CNBD1: variants seen among roughly 807,000 people sequenced by gnomAD.
CNBD1 encodes cyclic nucleotide binding domain containing 1.
Under a neutral mutation model 54.4 loss-of-function variants are expected in CNBD1, and 71 were observed. That is an observed-to-expected ratio of 1.30 (90% CI 1.08 to 1.59). The LOEUF is 1.59. CNBD1 is among the 40% of genes most tolerant of loss of function. The pLI is 0.00. For missense variants in CNBD1, 659 were observed against 518.0 expected, an observed-to-expected ratio of 1.27 and a Z score of -2.64; for synonymous variants, 182 against 170.7, an observed-to-expected ratio of 1.07 and a Z score of -0.51.
At chr8:87,102,771 G>A (rs1324677512) in intron 4 of CNBD1, among the ~76,000 whole-genome samples, 2 of 151,968 alleles carry the variant, frequency 1.3e-5, no homozygotes, top group African/African-American at 2.4e-5. Context: ...CTGCCAAAAC[G>A]CCCGGCTAAT....
intron 4 of CNBD1, among the ~76,000 whole-genome samples, chr8:86,968,837 G>A (rs1056119383): frequency 2.6e-5 from 4 of 152,118 alleles, no homozygotes; most frequent in Admixed American, 6.6e-5. Flanking sequence ...AATCAGATAC[G>A]CATTTATCTC....
intron 10 of CNBD1, among the ~76,000 whole-genome samples, chr8:87,366,870 A>T (rs1025540326): frequency 1.3e-5 from 2 of 152,172 alleles, no homozygotes; most frequent in Non-Finnish European, 2.9e-5. Context: ...ACTGTTATAA[A>T]CTGTTTTTTC....
At chr8:87,155,430 A>G (rs1476201315) in intron 4 of CNBD1, among the ~76,000 whole-genome samples, 1 of 152,208 alleles carries the variant, frequency 6.6e-6, no homozygotes, top group Admixed American at 6.5e-5. Context: ...CTAAAAGGAC[A>G]GCAGTAATCC....
intron 10 of CNBD1, among the ~76,000 whole-genome samples, chr8:87,370,846 T>G (rs538321613): frequency 6.6e-6 from 1 of 150,720 alleles, no homozygotes; most frequent in East Asian, 1.9e-4. Context: ...TCTTCTAGGG[T>G]TTTTATGGTT....
chr8:87,419,139 T>G (rs1041414266), intron 2 of CNBD1, among the ~76,000 whole-genome samples: 1 of 152,002 alleles, frequency 6.6e-6, no homozygotes, highest in South Asian at 2.1e-4. Context: ...GAAGTACTGA[T>G]TTATGCTACA....
chr8:87,341,322 A>C (rs74398494), intron 8 of CNBD1, among the ~76,000 whole-genome samples: 3,066 of 152,096 alleles, frequency 0.02, 98 homozygotes, highest in African/African-American at 0.067. Context: ...GAGATGAGAC[A>C]ATGTCTGTTC....
intron 4 of CNBD1, among the ~76,000 whole-genome samples, chr8:87,041,826 T>TATTG (rs1293226063): frequency 6.6e-6 from 1 of 151,988 alleles, no homozygotes; most frequent in Non-Finnish European, 1.5e-5. Context: ...CATCTATGGG[T>TATTG]ATTGAGCAGG....
At chr8:87,402,783 A>G (rs1807588233) in intron 2 of CNBD1, among the ~76,000 whole-genome samples, 4 of 152,070 alleles carry the variant, frequency 2.6e-5, no homozygotes, top group Admixed American at 2.6e-4. Flanking sequence ...GTACTCAGAT[A>G]TATGTGGAGT....
At chr8:86,946,819 A>G (rs550843891) in intron 4 of CNBD1, among the ~76,000 whole-genome samples, 1 of 152,292 alleles carries the variant, frequency 6.6e-6, no homozygotes, top group East Asian at 1.9e-4. Context: ...CTGACTGTAC[A>G]AAAATATTAC....
chr8:87,331,125 T>C (rs575985016), intron 8 of CNBD1, among the ~76,000 whole-genome samples: 1 of 152,330 alleles, frequency 6.6e-6, no homozygotes, highest in Admixed American at 6.5e-5. Flanking sequence ...GGTATACATA[T>C]GCCATTGTGG....
Position 87,290,806 on chromosome 8 carries a change from C to T in CNBD1, c.1042+4135C>T, listed in dbSNP as rs921260707. ...ATGCAATCCCACTTTCTTCTGGCTT[C>T]TATTGTTTCTGATGTGAAGACAGCT... On this transcript the variant is annotated intron_variant, in intron 8 of 10. Transcript: ENST00000518476. Among the ~76,000 whole-genome samples the T allele has an allele frequency of 5.9e-5, 9 of 152,100 alleles. 1 individual carries two copies. The highest frequency in any genetic ancestry group is 5.9e-4 in the Admixed American group (9 of 15,254).
At chr8:86,985,391 C>A (rs779182327) in intron 4 of CNBD1, among the ~76,000 whole-genome samples, 1 of 152,132 alleles carries the variant, frequency 6.6e-6, no homozygotes, top group East Asian at 1.9e-4. Context: ...TGGTGCCTTC[C>A]CTTCCTCCTG....
At chr8:87,111,226 G>T (rs574726183) in intron 4 of CNBD1, among the ~76,000 whole-genome samples, 1 of 152,252 alleles carries the variant, frequency 6.6e-6, no homozygotes, top group Non-Finnish European at 1.5e-5. Flanking sequence ...TGAGGGTTCT[G>T]ACAGCTGTTA....
intron 2 of CNBD1, among the ~76,000 whole-genome samples, chr8:87,422,409 C>G (rs1304229087): frequency 1.4e-5 from 2 of 145,548 alleles, no homozygotes; most frequent in Non-Finnish European, 3.0e-5. Flanking sequence ...TGGTTTAGGT[C>G]TAACGTTTAA....
intron 4 of CNBD1, among the ~76,000 whole-genome samples, chr8:86,978,158 A>C (rs762913525): frequency 1.3e-4 from 20 of 152,134 alleles, no homozygotes; most frequent in Admixed American, 4.6e-4. Context: ...TATGCTTATC[A>C]CTTATGTGCT....
chr8:87,024,375 T>G (rs1381757317), intron 4 of CNBD1, among the ~76,000 whole-genome samples: 1 of 151,876 alleles, frequency 6.6e-6, no homozygotes, highest in Non-Finnish European at 1.5e-5. Flanking sequence ...AGTCTCACTG[T>G]GTCTCCCAGG....
intron 8 of CNBD1, among the ~76,000 whole-genome samples, chr8:87,316,739 C>T (rs574414204): frequency 2.0e-5 from 3 of 151,496 alleles, no homozygotes; most frequent in South Asian, 2.1e-4. Context: ...CATAAGCAGA[C>T]GTATAAGGAT....
At chr8:86,882,379 CTCAAA>C (rs1808618539) in intron 1 of CNBD1, among the ~76,000 whole-genome samples, 1 of 152,090 alleles carries the variant, frequency 6.6e-6, no homozygotes, top group Non-Finnish European at 1.5e-5. Flanking sequence ...ACAGACATTT[CTCAAA>C]AGAAGACATA....
chr8:87,414,930 A>T (rs140965413), intron 2 of CNBD1, among the ~76,000 whole-genome samples: 1 of 152,166 alleles, frequency 6.6e-6, no homozygotes, highest in African/African-American at 2.4e-5. Context: ...TACAGGTCTG[A>T]CCTGGAACTG....
Sources: allele counts gnomAD v4.1 joint callset (sites outside exome capture counted in the v4.1 genomes callset), GRCh38; gene constraint gnomAD v4.1.1; transcripts MANE v1.5; gene names NCBI Gene and HGNC (gene_info 2026-07-23, HGNC 2026-07-21).